SGCD: variants seen among roughly 807,000 people sequenced by gnomAD.
SGCD encodes sarcoglycan delta.
Under a neutral mutation model 36.6 loss-of-function variants are expected in SGCD, and 18 were observed. The ratio of observed to expected loss-of-function variants is 0.49; its 90% CI spans 0.34 to 0.73. The LOEUF is 0.73. Ranked by LOEUF, SGCD falls within the 30% of genes least tolerant of loss-of-function variation. The pLI is 0.01. For synonymous variants in SGCD, 133 were observed against 130.6 expected (o/e 1.02, Z -0.12); for missense variants, 387 against 346.7 (o/e 1.12, Z -0.92).
chr5:156,533,210 G>A (rs1413257506), intron 4 of SGCD, among the ~76,000 whole-genome samples: 4 of 152,046 alleles, frequency 2.6e-5, no homozygotes, highest in Admixed American at 2.6e-4. Flanking sequence ...CTGTACTGTA[G>A]TTTCTCTTCA....
At chr5:156,595,158 C>G in intron 6 of SGCD, 107 bp downstream of exon 6, 1 of 1,293,874 alleles carries the variant, frequency 7.7e-7, no homozygotes, top group East Asian at 2.6e-5. Context: ...ATTCATATAT[C>G]GAAATCCTAA....
intron 3 of SGCD, among the ~76,000 whole-genome samples, chr5:156,306,341 G>C (rs945504201): frequency 7.9e-5 from 12 of 152,146 alleles, no homozygotes; most frequent in Admixed American, 5.2e-4. Context: ...GGGTTTCCCT[G>C]CACAAGCTCT....
chr5:156,386,148 GT>G lies in SGCD; in HGVS notation c.192+41476del, dbSNP rs925314722. Among the ~76,000 whole-genome samples, 70 of 152,210 alleles carry G rather than the reference GT, an allele frequency of 4.6e-4. 2 individuals carry two copies. Among genetic ancestry groups the G allele is most frequent in the Non-Finnish European group, 7.3e-5 (5 of 68,044 alleles). On this transcript the variant is annotated intron_variant, in intron 3 of 8. Transcript: ENST00000337851. ...TTCCTTAGTTTACACATTCACAAGT[GT>G]TTTTGAAGCACTGAAGTCCCTGTGC...
At position 156,001,806 on chromosome 5, in the gene SGCD, G is replaced by T. The variant is rs184235791; in HGVS notation, c.-281-116072G>T. Among the ~76,000 whole-genome samples, 11 of 152,320 alleles carry T rather than the reference G, an allele frequency of 7.2e-5. No individual in the cohort carries two copies. In the East Asian group the frequency reaches 1.7e-3, roughly 24 times the overall value. ...GAAATAAATGTAGCAAGCAGGACTC[G>T]GGCGGAGCCCCAGTCCTCCTGGCTG... On this transcript the variant is annotated intron_variant, in intron 1 of 9. Coordinates refer to the SGCD transcript ENST00000517913.
intron 3 of SGCD, among the ~76,000 whole-genome samples, chr5:156,193,998 A>C (rs758146782): frequency 9.2e-5 from 14 of 152,334 alleles, no homozygotes; most frequent in Admixed American, 1.3e-4. Flanking sequence ...ATACATAATA[A>C]AGACAGACCT....
At chr5:156,708,600 T>C (rs1164245265) in intron 7 of SGCD, among the ~76,000 whole-genome samples, 1 of 152,196 alleles carries the variant, frequency 6.6e-6, no homozygotes, top group Admixed American at 6.5e-5. Context: ...TACAAACAGA[T>C]GTATTGAGGA....
intron 1 of SGCD, among the ~76,000 whole-genome samples, chr5:156,045,894 T>G (rs574508538): frequency 1.3e-5 from 2 of 152,240 alleles, no homozygotes; most frequent in African/African-American, 4.8e-5. Context: ...ATGAATATTT[T>G]GGGGGCACAC....
rs146174665 is a variant in SGCD, at chr5:156,022,069, A to G, written c.-281-95809A>G. Among the ~76,000 whole-genome samples, 3 of 152,168 alleles carry G rather than the reference A, an allele frequency of 2.0e-5. No homozygotes were observed. In the East Asian group the frequency reaches 5.8e-4, roughly 29 times the overall value. ...CCCATCTTCTCAAAACCACAAATCT[A>G]CTTTCTGTCTCTACAGATTTGCCTA... On this transcript the variant is annotated intron_variant, in intron 1 of 9. Transcript: ENST00000517913.
intron 2 of SGCD, among the ~76,000 whole-genome samples, chr5:156,344,101 C>A (rs1374173255): frequency 9.9e-5 from 15 of 152,176 alleles, no homozygotes. Flanking sequence ...CTAAGGTGAA[C>A]TGCTGGGGTT....
At chr5:156,339,053 G>T (rs1169352373) in intron 2 of SGCD, among the ~76,000 whole-genome samples, 1 of 152,154 alleles carries the variant, frequency 6.6e-6, no homozygotes, top group African/African-American at 2.4e-5. Flanking sequence ...TCCAAAACAT[G>T]CTTTAGTAAT....
chr5:155,777,352 G>GT, the SGCD span, among the ~76,000 whole-genome samples: 3 of 105,574 alleles, frequency 2.8e-5, no homozygotes, highest in African/African-American at 7.1e-5. Context: ...GAAATTTGTA[G>GT]TTTTTTTGTT....
intron 4 of SGCD, among the ~76,000 whole-genome samples, chr5:156,566,464 G>A (rs985435835): frequency 1.3e-5 from 2 of 152,140 alleles, no homozygotes; most frequent in Admixed American, 6.5e-5. Flanking sequence ...AACTTGAGCT[G>A]AATCTACTTA....
chr5:156,482,631 T>G (rs1755481812), intron 3 of SGCD, among the ~76,000 whole-genome samples: 3 of 152,128 alleles, frequency 2.0e-5, no homozygotes, highest in South Asian at 4.1e-4. Flanking sequence ...ATAATTCCAT[T>G]GTAAATGAGT....
At chr5:156,406,817 T>C (rs995195517) in intron 3 of SGCD, among the ~76,000 whole-genome samples, 46 of 113,810 alleles carry the variant, frequency 4.0e-4, no homozygotes, top group African/African-American at 1.1e-3. Flanking sequence ...TATATATATA[T>C]ATACACACAC....
chr5:155,961,968 A>C (rs1259691950), intron 1 of SGCD, among the ~76,000 whole-genome samples: 1 of 152,120 alleles, frequency 6.6e-6, no homozygotes, highest in Non-Finnish European at 1.5e-5. Context: ...AGACTTTCTA[A>C]TTAATTATAC....
intron 3 of SGCD, among the ~76,000 whole-genome samples, chr5:156,218,333 C>A (rs1393241539): frequency 6.6e-6 from 1 of 152,086 alleles, no homozygotes; most frequent in African/African-American, 2.4e-5. Flanking sequence ...ATATATCACT[C>A]TTTGGGGGAA....
intron 1 of SGCD, among the ~76,000 whole-genome samples, chr5:156,014,257 C>T (rs1317648638): frequency 1.3e-5 from 2 of 152,026 alleles, no homozygotes; most frequent in African/African-American, 4.8e-5. Flanking sequence ...TTGGCAATCA[C>T]TTACTGTTTA....
chr5:156,134,300 ATG>A (rs1433802605), intron 3 of SGCD, among the ~76,000 whole-genome samples: 2 of 152,198 alleles, frequency 1.3e-5, no homozygotes, highest in African/African-American at 2.4e-5. Context: ...AGTGGCATAA[ATG>A]TGAAAATGCT....
chr5:155,753,052 T>A, the SGCD span, among the ~76,000 whole-genome samples: 1 of 152,032 alleles, frequency 6.6e-6, no homozygotes, highest in African/African-American at 2.4e-5. Flanking sequence ...GAAGAAATGA[T>A]CTCGGCCGGG....
Sources: allele counts gnomAD v4.1 joint callset (sites outside exome capture counted in the v4.1 genomes callset), GRCh38; gene constraint gnomAD v4.1.1; transcripts MANE v1.5; gene names NCBI Gene and HGNC (gene_info 2026-07-23, HGNC 2026-07-21).